The following SGCD variants were observed in gnomAD, a reference collection of about 807,000 sequenced individuals.
The protein encoded by SGCD is sarcoglycan delta.
SGCD carries 18 observed loss-of-function variants against 36.6 expected under a neutral mutation model. The ratio of observed to expected loss-of-function variants is 0.49; its 90% confidence interval spans 0.34 to 0.73. The LOEUF is 0.73. SGCD is among the 30% of genes least tolerant of loss of function. SGCD has a pLI of 0.01. For missense variants in SGCD, 387 were observed against 346.7 expected (o/e 1.12, Z -0.92); for synonymous variants, 133 against 130.6 (o/e 1.02, Z -0.12).
chr5:155,755,108 T>C, the SGCD span, among the ~76,000 whole-genome samples: 3 of 152,194 alleles, frequency 2.0e-5, no homozygotes, highest in African/African-American at 7.2e-5. Flanking sequence ...ATGCTACATT[T>C]TCCTAGAATA....
intron 3 of SGCD, among the ~76,000 whole-genome samples, chr5:156,253,074 T>C (rs186191404): frequency 1.5e-4 from 23 of 152,308 alleles, no homozygotes; most frequent in Non-Finnish European, 1.5e-5. Context: ...TTTTTAAAAA[T>C]GTGTGTGTTG....
chr5:156,673,130 A>T (rs1753369654), intron 7 of SGCD, among the ~76,000 whole-genome samples: 3 of 152,078 alleles, frequency 2.0e-5, no homozygotes, highest in Admixed American at 2.0e-4. Context: ...TTCCCCTCAA[A>T]AGTGTGTGTT....
intron 1 of SGCD, among the ~76,000 whole-genome samples, chr5:156,108,266 T>G (rs1761697523): frequency 1.3e-5 from 2 of 152,166 alleles, no homozygotes; most frequent in South Asian, 4.1e-4. Context: ...TCTTTGCATT[T>G]CGTAACATTA....
At chr5:156,561,936 G>A (rs140628408) in intron 4 of SGCD, among the ~76,000 whole-genome samples, 98 of 152,174 alleles carry the variant, frequency 6.4e-4, no homozygotes, top group African/African-American at 1.8e-3. Flanking sequence ...AAGGATCACC[G>A]TGAAGATTAA....
At chr5:156,140,054 G>T (rs1464580676) in intron 3 of SGCD, among the ~76,000 whole-genome samples, 2 of 152,174 alleles carry the variant, frequency 1.3e-5, no homozygotes, top group Admixed American at 1.3e-4. Context: ...CAACAAACTT[G>T]CCAGTACCTT....
At chr5:156,052,048 T>A (rs1458797655) in intron 1 of SGCD, among the ~76,000 whole-genome samples, 1 of 146,162 alleles carries the variant, frequency 6.8e-6, no homozygotes, top group Non-Finnish European at 1.5e-5. Flanking sequence ...AAGCAGGATT[T>A]TATTGGGTGA....
intron 3 of SGCD, among the ~76,000 whole-genome samples, chr5:156,316,515 A>G (rs1189623433): frequency 6.6e-6 from 1 of 152,012 alleles, no homozygotes; most frequent in Non-Finnish European, 1.5e-5. Context: ...AGCAAGCAGA[A>G]CAAAGTTGGA....
intron 4 of SGCD, among the ~76,000 whole-genome samples, chr5:156,573,273 C>T (rs1367425222): frequency 6.6e-6 from 1 of 152,310 alleles, no homozygotes; most frequent in South Asian, 2.1e-4. Flanking sequence ...TCAGGTTCTG[C>T]ATGACCTGAA....
At chr5:156,670,162 A>C (rs537421307) in intron 7 of SGCD, among the ~76,000 whole-genome samples, 1 of 152,342 alleles carries the variant, frequency 6.6e-6, no homozygotes, top group African/African-American at 2.4e-5. Flanking sequence ...GAAAAAACCC[A>C]AAAAGATAAA....
At chr5:156,023,440 T>C (rs1759154015) in intron 1 of SGCD, among the ~76,000 whole-genome samples, 1 of 152,228 alleles carries the variant, frequency 6.6e-6, no homozygotes, top group Non-Finnish European at 1.5e-5. Context: ...CTTTTCTGTC[T>C]CATTAAATGC....
intron 3 of SGCD, among the ~76,000 whole-genome samples, chr5:156,487,990 ATCAACAGAAATCCTGGAGC>A (rs1755770417): frequency 6.8e-6 from 1 of 146,812 alleles, no homozygotes; most frequent in African/African-American, 2.5e-5. Context: ...ATCAAAATGA[ATCAACAGAAATCCTGGAGC>A]TGAAGAATTT....
At chr5:156,132,614 G>A (rs537088711) in intron 3 of SGCD, among the ~76,000 whole-genome samples, 15 of 150,942 alleles carry the variant, frequency 9.9e-5, no homozygotes, top group African/African-American at 3.4e-4. Flanking sequence ...GATTACAGGC[G>A]CCCACCACCA....
At chr5:156,561,858 ATTACT>A (rs1424743415) in intron 4 of SGCD, among the ~76,000 whole-genome samples, 1 of 152,190 alleles carries the variant, frequency 6.6e-6, no homozygotes, top group African/African-American at 2.4e-5. Flanking sequence ...TCTTGGATAA[ATTACT>A]TTACTATTTC....
intron 3 of SGCD, among the ~76,000 whole-genome samples, chr5:156,354,265 G>A (rs555630657): frequency 1.3e-5 from 2 of 152,280 alleles, no homozygotes; most frequent in African/African-American, 4.8e-5. Context: ...TGTGGTGGTG[G>A]AAGCAGAGAA....
intron 3 of SGCD, among the ~76,000 whole-genome samples, chr5:156,476,475 A>C (rs1755185178): frequency 6.6e-6 from 1 of 152,200 alleles, no homozygotes; most frequent in African/African-American, 2.4e-5. Context: ...AGAAAGACCA[A>C]ATTCTAGTAC....
chr5:156,086,548 G>C (rs79165072), intron 1 of SGCD, among the ~76,000 whole-genome samples: 75 of 152,348 alleles, frequency 4.9e-4, no homozygotes, highest in African/African-American at 1.7e-3. Flanking sequence ...CTGATGACTT[G>C]AGTTATTGTC....
intron 1 of SGCD, among the ~76,000 whole-genome samples, chr5:156,008,782 G>A (rs543308060): frequency 6.4e-4 from 98 of 152,234 alleles, no homozygotes; most frequent in African/African-American, 2.3e-3. Context: ...CTATATCCAA[G>A]TAAGTTCACA....
chr5:156,084,204 T>A (rs145291208), intron 1 of SGCD, among the ~76,000 whole-genome samples: 1 of 152,350 alleles, frequency 6.6e-6, no homozygotes, highest in Non-Finnish European at 1.5e-5. Context: ...ACATTTATTA[T>A]GATAAATAGT....
At chr5:156,164,887 T>C (rs1001790157) in intron 3 of SGCD, among the ~76,000 whole-genome samples, 1 of 152,210 alleles carries the variant, frequency 6.6e-6, no homozygotes, top group Admixed American at 6.5e-5. Context: ...CATAAATTTA[T>C]AAATAATTGG....
Sources: gnomAD v4.1 joint callset for allele counts (sites outside exome capture counted in the v4.1 genomes callset) on GRCh38, gnomAD v4.1.1 for gene constraint, MANE v1.5 for transcripts, NCBI Gene and HGNC (gene_info 2026-07-23, HGNC 2026-07-21) for gene names.